ATP7A: variants seen among roughly 807,000 people sequenced by gnomAD.
ATP7A encodes the protein copper-transporting ATPase 1.
ATP7A carries 7 observed loss-of-function variants against 83.5 expected under a neutral mutation model. The ratio of observed to expected loss-of-function variants is 0.08; its 90% CI spans 0.05 to 0.16. The LOEUF is 0.16. ATP7A is among the 10% of genes least tolerant of loss of function. ATP7A has a pLI of 1.00. For missense variants in ATP7A, 940 were observed against 1,120.8 expected (o/e 0.84, Z 2.30); for synonymous variants, 354 against 395.2 (o/e 0.90, Z 1.24).
chrX:77,970,420 C>A (rs2077539538), intron 1 of ATP7A, among the ~76,000 whole-genome samples: 1 of 111,941 alleles, frequency 8.9e-6, no homozygotes, highest in Admixed American at 9.5e-5. Context: ...CCTGTAATCC[C>A]AGCACTTTGG....
At position 78,041,291 on chromosome X, in the gene ATP7A, T is replaced by C. The variant is rs187329185; in HGVS notation, c.3801+558T>C. The stretch of plus-strand genomic sequence containing the variant: ...CATTCTTTTGTTTCTTTTTTTTTTC[T>C]TGGGACGGAGTTTCGCTCTTGTTGC... On this transcript the variant is annotated intron_variant, in intron 19 of 22. Coordinates refer to ENST00000341514, the MANE Select transcript of ATP7A (RefSeq NM_000052.7). 4.8e-3 allele frequency among the ~76,000 whole-genome samples: 535 copies of C among 110,908 alleles called. 2 individuals are homozygous for C. The highest frequency in any genetic ancestry group is 9.2e-3 in the Middle Eastern group (2 of 218).
intron 1 of ATP7A, among the ~76,000 whole-genome samples, chrX:77,913,981 AT>A (rs2077172995): frequency 8.9e-6 from 1 of 112,494 alleles, no homozygotes; most frequent in Non-Finnish European, 1.9e-5. Flanking sequence ...GTTATTTCAC[AT>A]TGTAGGGATA....
chrX:78,037,980 GT>G (rs782643561), intron 17 of ATP7A, among the ~76,000 whole-genome samples: 648 of 51,172 alleles, frequency 0.013, 14 homozygotes, highest in African/African-American at 0.041. Context: ...ATCAAGAAAG[GT>G]TTTTTTTTTT....
chrX:78,008,786 G>C (rs2077795511), intron 6 of ATP7A, among the ~76,000 whole-genome samples: 1 of 110,506 alleles, frequency 9.0e-6, no homozygotes, highest in African/African-American at 3.3e-5. Flanking sequence ...GCTGGGCATG[G>C]TGGATCACTT....
intron 1 of ATP7A, chrX:77,969,434 T>C: frequency 8.3e-7 from 1 of 1,210,218 alleles, no homozygotes. Context: ...TCTAGCACTG[T>C]CCAGAGGGTC....
intron 2 of ATP7A, among the ~76,000 whole-genome samples, chrX:77,978,752 G>T (rs2077589462): frequency 2.7e-5 from 3 of 111,413 alleles, no homozygotes; most frequent in Non-Finnish European, 5.7e-5. Flanking sequence ...GGTATATCAG[G>T]CATTATTAAT....
intron 2 of ATP7A, among the ~76,000 whole-genome samples, chrX:77,972,521 T>C (rs1267598292): frequency 1.8e-5 from 2 of 111,673 alleles, no homozygotes; most frequent in African/African-American, 6.5e-5. Flanking sequence ...CCAGCTAATT[T>C]TGTATTTTTA....
At chrX:78,045,213 A>G (rs782524783) in intron 21 of ATP7A, among the ~76,000 whole-genome samples, 1 of 111,563 alleles carries the variant, frequency 9.0e-6, no homozygotes, top group Non-Finnish European at 1.9e-5. Context: ...AGATGTGCCC[A>G]TGTTATGACC....
chrX:78,049,706 A>G lies in ATP7A; in HGVS notation c.*3136A>G, dbSNP rs1335406187. ...TTTTTAAAAAGTATTCTTTATTCAT[A>G]TGTATAGAATGCTTAAAATAGCACT... On this transcript the variant is annotated 3_prime_UTR_variant, in exon 23 of 23. Coordinates refer to ENST00000341514, the MANE Select transcript of ATP7A (RefSeq NM_000052.7). The G allele has an allele frequency of 8.9e-6, 1 of 112,681 alleles. No homozygotes were observed. The highest frequency in any genetic ancestry group is 1.9e-5 in the Non-Finnish European group (1 of 53,227). The allele number at this position is 112,681 out of a possible 1,213,427, so 9.3% of individuals were successfully genotyped here. A position where few individuals can be genotyped will look rare whatever the true frequency, so the allele number is the denominator to read the frequency against.
intron 12 of ATP7A, among the ~76,000 whole-genome samples, chrX:78,016,908 G>T (rs369432946): frequency 8.9e-6 from 1 of 112,146 alleles, no homozygotes; most frequent in South Asian, 3.7e-4. Context: ...AGCTGTTGGT[G>T]GATCTCTACC....
intron 6 of ATP7A, among the ~76,000 whole-genome samples, chrX:78,004,356 T>C (rs919583377): frequency 9.6e-4 from 108 of 112,419 alleles, no homozygotes; most frequent in African/African-American, 3.3e-3. Context: ...CTTTTCAACA[T>C]TGAAATTTTT....
chrX:77,968,255 C>T (rs1446565572), intron 1 of ATP7A, among the ~76,000 whole-genome samples: 7 of 111,657 alleles, frequency 6.3e-5, no homozygotes, highest in African/African-American at 1.6e-4. Context: ...CTATTTCAAC[C>T]GCCACAAGAA....
intron 21 of ATP7A, among the ~76,000 whole-genome samples, chrX:78,044,275 AT>A (rs1438376358): frequency 6.5e-5 from 7 of 108,036 alleles, no homozygotes; most frequent in African/African-American, 1.0e-4. Context: ...AAAAAAAAAA[AT>A]TCATACCTCC....
At chrX:77,980,186 C>T (rs1406463618) in intron 2 of ATP7A, among the ~76,000 whole-genome samples, 1 of 112,148 alleles carries the variant, frequency 8.9e-6, no homozygotes, top group Non-Finnish European at 1.9e-5. Context: ...AGTCCATTCT[C>T]TTAATAGAGA....
chrX:78,037,458 T>C, intron 17 of ATP7A, among the ~76,000 whole-genome samples: 1 of 112,261 alleles, frequency 8.9e-6, no homozygotes, highest in South Asian at 3.7e-4. Context: ...TCACAGAAAG[T>C]TCTCTTGGAC....
intron 5 of ATP7A, among the ~76,000 whole-genome samples, chrX:78,001,668 C>T (rs2077739407): frequency 9.0e-6 from 1 of 111,095 alleles, no homozygotes; most frequent in Non-Finnish European, 1.9e-5. Context: ...TTTTATCAAA[C>T]CTCAGACTTG....
At chrX:77,963,447 A>G (rs2077485235) in intron 1 of ATP7A, 1 of 112,148 alleles carries the variant, frequency 8.9e-6, no homozygotes, top group South Asian at 3.7e-4. Context: ...TTCTTCCTGT[A>G]TTTAGCAGGA....
chrX:77,924,847 A>G (rs782587441), intron 1 of ATP7A, among the ~76,000 whole-genome samples: 1 of 111,582 alleles, frequency 9.0e-6, no homozygotes, highest in African/African-American at 3.3e-5. Flanking sequence ...ACGCGCCACC[A>G]CGCCCAGCTT....
chrX:77,922,829 T>C (rs1454219785), intron 1 of ATP7A, among the ~76,000 whole-genome samples: 1 of 112,182 alleles, frequency 8.9e-6, no homozygotes, highest in Non-Finnish European at 1.9e-5. Flanking sequence ...GCCTGTATTA[T>C]ATTCATTTAC....
Sources: gnomAD v4.1 joint callset for allele counts (sites outside exome capture counted in the v4.1 genomes callset) on GRCh38, gnomAD v4.1.1 for gene constraint, MANE v1.5 for transcripts, NCBI Gene and HGNC (gene_info 2026-07-23, HGNC 2026-07-21) for gene names.